Variants in SUSD6 observed in about 807,000 individuals in gnomAD.
SUSD6 encodes the protein sushi domain-containing protein 6.
Under a neutral mutation model 28.4 loss-of-function variants are expected in SUSD6, and 16 were observed. The observed-to-expected ratio is 0.56, with a 90% CI of 0.38 to 0.86. The LOEUF is 0.86. Among genes scored for constraint, SUSD6 ranks in the 40% least tolerant of loss-of-function variants. SUSD6 has a pLI of 0.00. For missense variants in SUSD6, 341 were observed against 384.2 expected (o/e 0.89, Z 0.94); for synonymous variants, 147 against 159.6 (o/e 0.92, Z 0.59).
chr14:69,699,164 G>A (rs559319404), intron 2 of SUSD6, among the ~76,000 whole-genome samples: 1 of 152,062 alleles, frequency 6.6e-6, no homozygotes, highest in African/African-American at 2.4e-5. Context: ...CTCTGCTCTT[G>A]GTCAAGAGGA....
At position 69,713,358 on chromosome 14, in the gene SUSD6, G is replaced by A. The variant is rs922234548; in HGVS notation, c.*2379G>A. The A allele has an allele frequency of 6.6e-6, 1 of 152,286 alleles. No individual in the cohort carries two copies. The highest frequency in any genetic ancestry group is 2.4e-5 in the African/African-American group (1 of 41,428). The allele number at this position is 152,286 out of a possible 1,614,324, so 9.4% of individuals were successfully genotyped here. A position where few individuals can be genotyped will look rare whatever the true frequency, so the allele number is the denominator to read the frequency against. ...AGAAATTAGAACAATGGGAGCCTTG[G>A]CTCCCCTCTCGTCTCCTCCCCTCCT... On this transcript the variant is annotated 3_prime_UTR_variant, in exon 6 of 6. Transcript: ENST00000342745.
rs779016784 is a variant in SUSD6 at position 69,710,993 on chromosome 14, C to T, written c.*14C>T. 1.2e-6 allele frequency: 2 copies of T among 1,613,732 alleles called. No homozygotes were observed. The highest frequency in any genetic ancestry group is 2.2e-5 in the East Asian group (1 of 44,872). ...AAAGAAGCATGAGGGCAGCGGCCAG[C>T]CTTTCCTCTCTGCGAGGTTCTCTCA... On this transcript the variant is annotated 3_prime_UTR_variant, in exon 6 of 6. Coordinates refer to ENST00000342745, the MANE Select transcript of SUSD6 (RefSeq NM_014734.4).
At position 69,710,267 on chromosome 14, in the gene SUSD6, G is replaced by A. The variant is rs567803091; in HGVS notation, c.887-687G>A. Reference sequence around the variant, plus strand: ...TAGCTTTGTTTTTTGTATTTAACAAGCATTTTGAGAGGCCATCTTGTGCCT... The same window carrying A: ...TAGCTTTGTTTTTTGTATTTAACAAACATTTTGAGAGGCCATCTTGTGCCT... On this transcript the variant is annotated intron_variant, in intron 5 of 5. Coordinates refer to ENST00000342745, the MANE Select transcript of SUSD6 (RefSeq NM_014734.4). Among the ~76,000 whole-genome samples, 14 of 152,266 alleles carry A rather than the reference G, an allele frequency of 9.2e-5. No individual in the cohort carries two copies. In the South Asian group the frequency reaches 2.9e-3, roughly 32 times the overall value.
In SUSD6 at chr14:69,710,939, C is replaced by T; in HGVS notation, c.887-15C>T. On this transcript the variant is annotated splice_polypyrimidine_tract_variant and intron_variant, in intron 5 of 5. Transcript: ENST00000342745. ...ACAAGGTAACCACTGTGCTTTTCTT[C>T]TGGTCTTCCTGCAGATATTCCACTG... 1.9e-6 allele frequency: 3 copies of T among 1,613,956 alleles called. No homozygotes were observed. The highest frequency in any genetic ancestry group is 2.5e-6 in the Non-Finnish European group (3 of 1,179,882).
Position 69,645,036 on chromosome 14 carries a change from T to C in SUSD6, c.-80-13477T>C, listed in dbSNP as rs563644062. 1.2e-4 allele frequency among the ~76,000 whole-genome samples: 19 copies of C among 152,302 alleles called. No homozygotes were observed. The East Asian group carries it at 3.3e-3, about 26-fold the overall frequency. On this transcript the variant is annotated intron_variant, in intron 1 of 5. Transcript: ENST00000342745. ...TACCTCACAGTCCCACCTTGACAGC[T>C]TACAGGAAGCTTGGGTAATTTATGA...
At chr14:69,660,177 A>C (rs1885641776) in intron 2 of SUSD6, among the ~76,000 whole-genome samples, 1 of 152,106 alleles carries the variant, frequency 6.6e-6, no homozygotes, top group Admixed American at 6.5e-5. Context: ...GTTTAGTGCT[A>C]CTTCTTTCAT....
At chr14:69,697,155 G>C (rs527733864) in intron 2 of SUSD6, among the ~76,000 whole-genome samples, 46 of 152,152 alleles carry the variant, frequency 3.0e-4, no homozygotes, top group Non-Finnish European at 5.6e-4. Flanking sequence ...GCTATGGTGG[G>C]GGAGTGTCTT....
chr14:69,704,464 G>A, intron 3 of SUSD6, 140 bp from the exon 4 acceptor site: 3 of 751,012 alleles, frequency 4.0e-6, no homozygotes, highest in Non-Finnish European at 6.3e-6. Flanking sequence ...ATTCTAAGCT[G>A]TTATTCCTGA....
chr14:69,630,060 G>A (rs944203252), intron 1 of SUSD6, among the ~76,000 whole-genome samples: 1 of 152,148 alleles, frequency 6.6e-6, no homozygotes, highest in Non-Finnish European at 1.5e-5. Flanking sequence ...GTATTACTAG[G>A]CAGGCTGATA....
intron 1 of SUSD6, among the ~76,000 whole-genome samples, chr14:69,613,689 A>G (rs1269750148): frequency 6.6e-6 from 1 of 152,254 alleles, no homozygotes; most frequent in African/African-American, 2.4e-5. Context: ...TTGCTGCTGA[A>G]GGAACTTCTG....
chr14:69,668,377 G>A (rs903332974), intron 2 of SUSD6, among the ~76,000 whole-genome samples: 7 of 152,174 alleles, frequency 4.6e-5, no homozygotes, highest in Non-Finnish European at 1.0e-4. Flanking sequence ...GCTCATGCCT[G>A]TAATCCCAGC....
chr14:69,624,202 C>T (rs544961503), intron 1 of SUSD6, among the ~76,000 whole-genome samples: 121 of 152,318 alleles, frequency 7.9e-4, no homozygotes, highest in African/African-American at 2.9e-3. Flanking sequence ...GTTAGAGTTG[C>T]CTACAGTATT....
intron 2 of SUSD6, among the ~76,000 whole-genome samples, chr14:69,686,086 G>T (rs1008785206): frequency 1.3e-5 from 2 of 152,208 alleles, no homozygotes; most frequent in African/African-American, 4.8e-5. Context: ...TGTAAGGGTA[G>T]GTCTTCTAAA....
At position 69,704,675 on chromosome 14, in the gene SUSD6, C is replaced by T. The variant is rs780828177; in HGVS notation, c.391C>T (p.Leu131Phe). Residue 131 changes from leucine to phenylalanine, a missense_variant, in exon 4 of 6, where the codon CTC (leucine) becomes TTC (phenylalanine). Coordinates refer to ENST00000342745, the MANE Select transcript of SUSD6 (RefSeq NM_014734.4). The part of the protein sequence containing the change: ...IVASTASSVA[L>F]ILLLVVLFVL... ...GGCTTCTACTGCCAGCTCCGTGGCG[C>T]TCATTCTCCTCCTCGTGGTGCTGTT... 3 of 1,614,206 alleles carry T rather than the reference C, an allele frequency of 1.9e-6. No homozygotes were observed. Among genetic ancestry groups the T allele is most frequent in the Middle Eastern group, 1.6e-4 (1 of 6,062 alleles).
intron 1 of SUSD6, chr14:69,615,425 C>G (rs1042073598): frequency 6.6e-6 from 1 of 152,202 alleles, no homozygotes; most frequent in African/African-American, 2.4e-5. Context: ...GTGCCTCTTA[C>G]AAGGCTTAGG....
intron 2 of SUSD6, among the ~76,000 whole-genome samples, chr14:69,664,021 C>T (rs976946912): frequency 1.3e-5 from 2 of 151,416 alleles, no homozygotes; most frequent in South Asian, 4.2e-4. Context: ...CTGTGTTGCC[C>T]AGGCTGGAGT....
intron 2 of SUSD6, among the ~76,000 whole-genome samples, chr14:69,663,129 T>C (rs1436754928): frequency 2.6e-5 from 4 of 152,248 alleles, no homozygotes; most frequent in East Asian, 3.8e-4. Flanking sequence ...GGAATCCCCA[T>C]TGCTTTCCAG....
chr14:69,651,902 A>G (rs1885509845), intron 1 of SUSD6, among the ~76,000 whole-genome samples: 1 of 152,210 alleles, frequency 6.6e-6, no homozygotes, highest in African/African-American at 2.4e-5. Flanking sequence ...TTGGACTTCA[A>G]AGTGTTAGGA....
At chr14:69,637,039 G>A (rs527437307) in intron 1 of SUSD6, among the ~76,000 whole-genome samples, 1 of 152,308 alleles carries the variant, frequency 6.6e-6, no homozygotes, top group African/African-American at 2.4e-5. Flanking sequence ...AAACCCGGGA[G>A]TCTGCCCCTG....
Sources: gnomAD v4.1 joint callset for allele counts (sites outside exome capture counted in the v4.1 genomes callset) on GRCh38, gnomAD v4.1.1 for gene constraint, MANE v1.5 for transcripts, NCBI Gene and HGNC (gene_info 2026-07-23, HGNC 2026-07-21) for gene names.